Variants in TENM3 observed in about 807,000 individuals in gnomAD.
TENM3 encodes the protein teneurin transmembrane protein 3, also known as teneurin-3.
A neutral mutation model predicts 255.1 loss-of-function variants in TENM3; 63 were observed. The ratio of observed to expected loss-of-function variants is 0.25; its 90% CI spans 0.20 to 0.30. The LOEUF is 0.30. Among genes scored for constraint, TENM3 ranks in the 10% least tolerant of loss-of-function variants. The probability of loss-of-function intolerance (pLI) is 1.00; values close to 1 mark genes in which losing one functional copy is unlikely to be tolerated. For missense variants in TENM3, 2,929 were observed against 3,461.1 expected, an observed-to-expected ratio of 0.85 and a Z score of 3.86; for synonymous variants, 1,306 against 1,322.3, an observed-to-expected ratio of 0.99 and a Z score of 0.27.
At chr4:181,874,739 C>A in the TENM3 span, among the ~76,000 whole-genome samples, 2 of 152,176 alleles carry the variant, frequency 1.3e-5, no homozygotes, top group Admixed American at 6.5e-5. Context: ...TTCTGGTGCC[C>A]TACCATGCAT....
At chr4:181,636,967 C>T in the TENM3 span, among the ~76,000 whole-genome samples, 1 of 152,172 alleles carries the variant, frequency 6.6e-6, no homozygotes, top group African/African-American at 2.4e-5. Flanking sequence ...AGCCATTTCG[C>T]TTCGCTTGAT....
the TENM3 span, among the ~76,000 whole-genome samples, chr4:181,594,850 C>T: frequency 3.3e-5 from 5 of 152,164 alleles, no homozygotes; most frequent in Admixed American, 1.3e-4. Context: ...AAATATACTT[C>T]TTCCAAAGTT....
At chr4:182,350,897 A>G (rs189510243) in intron 3 of TENM3, among the ~76,000 whole-genome samples, 2 of 151,834 alleles carry the variant, frequency 1.3e-5, no homozygotes. Flanking sequence ...GTTGGCCAGG[A>G]TGGTCTCAAT....
At chr4:182,081,603 A>AAAG in the TENM3 span, among the ~76,000 whole-genome samples, 100 of 147,790 alleles carry the variant, frequency 6.8e-4, 3 homozygotes, top group African/African-American at 2.4e-3. Flanking sequence ...AAAAAAAAAA[A>AAAG]AAGAAGAAGA....
chr4:182,330,113 T>C (rs11942771), intron 2 of TENM3, among the ~76,000 whole-genome samples: 32,813 of 151,762 alleles, frequency 0.22, 3,714 homozygotes, highest in Non-Finnish European at 0.25. Context: ...GAAGATACTG[T>C]AGGAGAGGAA....
At chr4:182,013,090 GA>G in the TENM3 span, among the ~76,000 whole-genome samples, 1 of 152,110 alleles carries the variant, frequency 6.6e-6, no homozygotes, top group African/African-American at 2.4e-5. Flanking sequence ...TTTTCCCCTT[GA>G]ATGAATGGCG....
At chr4:181,708,649 C>A in the TENM3 span, among the ~76,000 whole-genome samples, 14 of 151,656 alleles carry the variant, frequency 9.2e-5, no homozygotes, top group Non-Finnish European at 1.0e-4. Context: ...TGATCTGAGT[C>A]CCCAGTAAGT....
At chr4:181,713,666 T>C in the TENM3 span, among the ~76,000 whole-genome samples, 2 of 152,144 alleles carry the variant, frequency 1.3e-5, no homozygotes, top group African/African-American at 2.4e-5. Flanking sequence ...TTACTTGTGG[T>C]TTGGGCCACC....
intron 12 of TENM3, among the ~76,000 whole-genome samples, chr4:182,713,809 T>G (rs978610573): frequency 2.6e-5 from 4 of 152,160 alleles, no homozygotes; most frequent in African/African-American, 7.2e-5. Flanking sequence ...GGGAAAAAAT[T>G]TAAGTTAATT....
chr4:181,921,627 A>T, the TENM3 span, among the ~76,000 whole-genome samples: 1 of 152,100 alleles, frequency 6.6e-6, no homozygotes, highest in Non-Finnish European at 1.5e-5. Context: ...GCTTAAGGAG[A>T]TTTTGGGCTG....
chr4:182,570,851 A>T (rs1056828263), intron 3 of TENM3, among the ~76,000 whole-genome samples: 1 of 151,772 alleles, frequency 6.6e-6, no homozygotes, highest in Non-Finnish European at 1.5e-5. Context: ...CAAAACAAAC[A>T]AACTTAGAAA....
chr4:182,547,645 A>G (rs1326278889), intron 3 of TENM3, among the ~76,000 whole-genome samples: 3 of 152,094 alleles, frequency 2.0e-5, no homozygotes, highest in Non-Finnish European at 4.4e-5. Context: ...TACCAGTTCT[A>G]TCCAATGCTC....
chr4:182,037,934 C>A, the TENM3 span, among the ~76,000 whole-genome samples: 2 of 152,052 alleles, frequency 1.3e-5, no homozygotes, highest in Non-Finnish European at 2.9e-5. Flanking sequence ...TAGGCTCAAG[C>A]CATCCTCCCA....
chr4:182,420,067 A>G (rs1218757530), intron 3 of TENM3, among the ~76,000 whole-genome samples: 3 of 152,048 alleles, frequency 2.0e-5, no homozygotes, highest in African/African-American at 7.2e-5. Flanking sequence ...TTTCAGGGTG[A>G]GGACATTGAG....
the TENM3 span, among the ~76,000 whole-genome samples, chr4:182,106,677 A>G: frequency 2.6e-5 from 4 of 152,298 alleles, no homozygotes; most frequent in Admixed American, 2.0e-4. Context: ...TCTTTGGGGT[A>G]GCTTAAGAAC....
chr4:182,275,998 G>A (rs1759976659), intron 1 of TENM3, among the ~76,000 whole-genome samples: 1 of 152,140 alleles, frequency 6.6e-6, no homozygotes. Flanking sequence ...TTATGTGTTA[G>A]AGGAATAAGG....
At chr4:181,567,215 G>A in the TENM3 span, among the ~76,000 whole-genome samples, 3 of 152,082 alleles carry the variant, frequency 2.0e-5, no homozygotes, top group Admixed American at 1.3e-4. Context: ...TCACCTTTAA[G>A]GATCACCCCA....
chr4:182,261,140 C>T (rs893764725), intron 1 of TENM3, among the ~76,000 whole-genome samples: 1 of 152,160 alleles, frequency 6.6e-6, no homozygotes, highest in African/African-American at 2.4e-5. Flanking sequence ...TCCCAAAGTG[C>T]TGGAATTACA....
chr4:182,737,977 C>A (rs1261328031), intron 17 of TENM3, among the ~76,000 whole-genome samples: 1 of 152,092 alleles, frequency 6.6e-6, no homozygotes, highest in African/African-American at 2.4e-5. Context: ...TTGAACCTTA[C>A]TTATCATAAA....
Sources: gnomAD v4.1 joint callset for allele counts (sites outside exome capture counted in the v4.1 genomes callset) on GRCh38, gnomAD v4.1.1 for gene constraint, MANE v1.5 for transcripts, NCBI Gene and HGNC (gene_info 2026-07-23, HGNC 2026-07-21) for gene names.